ZDHHC3: variants seen among roughly 807,000 people sequenced by gnomAD.
The protein encoded by ZDHHC3 is palmitoyltransferase ZDHHC3.
A neutral mutation model predicts 30.6 loss-of-function variants in ZDHHC3; 9 were observed. That is an observed-to-expected ratio of 0.29 (90% CI 0.18 to 0.51). The LOEUF (loss-of-function observed/expected upper bound fraction) is 0.51. ZDHHC3 is among the 20% of genes least tolerant of loss of function. The probability of loss-of-function intolerance (pLI) is 0.97; values close to 1 mark genes in which losing one functional copy is unlikely to be tolerated. For missense variants in ZDHHC3, 246 were observed against 384.2 expected, an observed-to-expected ratio of 0.64 and a Z score of 3.01; for synonymous variants, 136 against 140.2, an observed-to-expected ratio of 0.97 and a Z score of 0.21.
chr3:44,948,570 C>A (rs185543796), intron 2 of ZDHHC3, among the ~76,000 whole-genome samples: 5 of 152,302 alleles, frequency 3.3e-5, no homozygotes, highest in African/African-American at 1.2e-4. Context: ...GGTGCAGATG[C>A]AGTGAGGCTG....
intron 2 of ZDHHC3, among the ~76,000 whole-genome samples, chr3:44,947,908 C>T (rs533275688): frequency 1.3e-5 from 2 of 152,198 alleles, no homozygotes; most frequent in Admixed American, 6.5e-5. Flanking sequence ...CAACAGGGAG[C>T]CAAGGATGTG....
chr3:44,971,014 G>A lies in ZDHHC3; in HGVS notation c.-25+4919C>T, dbSNP rs563535688. Among the ~76,000 whole-genome samples, 4 of 152,250 alleles carry A rather than the reference G, an allele frequency of 2.6e-5. No individual in the cohort carries two copies. The South Asian group carries it at 8.3e-4, about 32-fold the overall frequency. On this transcript the variant is annotated intron_variant, in intron 1 of 6. Coordinates refer to ENST00000424952, the MANE Select transcript of ZDHHC3 (RefSeq NM_001135179.2). Reference sequence around the variant, plus strand: ...CCCAAATCTTTGGACTAAGATGCCCGGAAGTCTTTCTACCATAGATTGTTA... The same window carrying A: ...CCCAAATCTTTGGACTAAGATGCCCAGAAGTCTTTCTACCATAGATTGTTA...
In ZDHHC3 at chr3:44,918,603, G is replaced by C; in HGVS notation, c.*8086C>G. 1.0e-6 allele frequency: 1 copy of C among 985,438 alleles called. No individual in the cohort carries two copies. The highest frequency in any genetic ancestry group is 1.2e-6 in the Non-Finnish European group (1 of 829,932). The allele number at this position is 985,438 out of a possible 1,614,324, so 61.0% of individuals were successfully genotyped here. A position where few individuals can be genotyped will look rare whatever the true frequency, so the allele number is the denominator to read the frequency against. ...GGGGCTGCAAACACAGCAGAAGGAC[G>C]ATGGGGTTAAGGAAGGAGTGCAGGA... On this transcript the variant is annotated 3_prime_UTR_variant, in exon 7 of 7. Transcript: ENST00000424952.
chr3:44,949,922 A>C (rs1703289407), intron 2 of ZDHHC3, among the ~76,000 whole-genome samples: 1 of 151,812 alleles, frequency 6.6e-6, no homozygotes, highest in African/African-American at 2.4e-5. Flanking sequence ...TGCAGCTTTG[A>C]CCTTCCAGGC....
chr3:44,974,419 C>G (rs1351514585), intron 1 of ZDHHC3, among the ~76,000 whole-genome samples: 1 of 152,218 alleles, frequency 6.6e-6, no homozygotes, highest in Non-Finnish European at 1.5e-5. Flanking sequence ...CCTCAGATAT[C>G]CTAGCTTCTA....
chr3:44,936,068 C>G (rs1559671705), intron 3 of ZDHHC3, among the ~76,000 whole-genome samples: 1 of 152,134 alleles, frequency 6.6e-6, no homozygotes, highest in Non-Finnish European at 1.5e-5. Context: ...ACAGAGTAAA[C>G]AGACAACCTA....
chr3:44,958,814 T>C (rs1444365070), intron 2 of ZDHHC3: 2 of 866,170 alleles, frequency 2.3e-6, no homozygotes, highest in Non-Finnish European at 3.5e-6. Flanking sequence ...TCTTCAAGGT[T>C]ATCTGTGTCT....
intron 3 of ZDHHC3, among the ~76,000 whole-genome samples, chr3:44,935,436 AT>A: frequency 2.0e-5 from 3 of 152,232 alleles, no homozygotes; most frequent in Middle Eastern, 6.8e-3. Flanking sequence ...CACCCAGCTA[AT>A]TTTTTTGTAT....
In ZDHHC3 at chr3:44,923,378, A is replaced by C; in HGVS notation, c.*3311T>G. The C allele has an allele frequency of 1.0e-6, 1 of 985,382 alleles. No homozygotes were observed. Among genetic ancestry groups the C allele is most frequent in the African/African-American group, 1.7e-5 (1 of 57,356 alleles). 61.0% of individuals were successfully genotyped at this position (985,382 alleles called of 1,614,324 possible). A position where few individuals can be genotyped will look rare whatever the true frequency, so the allele number is the denominator to read the frequency against. ...GGCGTGAGGGATGTCCACAGTGAGA[A>C]GTGTCCGCGCCCGGCTTAAAATGTT... On this transcript the variant is annotated 3_prime_UTR_variant, in exon 7 of 7. Transcript: ENST00000424952.
chr3:44,927,901 C>A (rs915334789), intron 6 of ZDHHC3, among the ~76,000 whole-genome samples: 5 of 152,212 alleles, frequency 3.3e-5, no homozygotes. Context: ...AGGGCACAGG[C>A]CAAAGGGAAG....
intron 3 of ZDHHC3, among the ~76,000 whole-genome samples, chr3:44,938,138 C>G (rs1233749453): frequency 6.6e-6 from 1 of 152,136 alleles, no homozygotes; most frequent in Non-Finnish European, 1.5e-5. Flanking sequence ...CATGTGTCAC[C>G]AAGCCAGGCT....
intron 5 of ZDHHC3, among the ~76,000 whole-genome samples, chr3:44,932,222 T>C (rs1701554678): frequency 6.6e-6 from 1 of 152,146 alleles, no homozygotes; most frequent in Admixed American, 6.5e-5. Context: ...CACCTAGATA[T>C]GCAGAATGGC....
At chr3:44,962,851 T>C (rs1009369552) in intron 1 of ZDHHC3, among the ~76,000 whole-genome samples, 4 of 152,224 alleles carry the variant, frequency 2.6e-5, no homozygotes, top group African/African-American at 7.2e-5. Flanking sequence ...CTACTGCTAA[T>C]TGGCTGTGGG....
chr3:44,956,035 T>C (rs1192163602), intron 2 of ZDHHC3, among the ~76,000 whole-genome samples: 1 of 152,216 alleles, frequency 6.6e-6, no homozygotes, highest in Non-Finnish European at 1.5e-5. Flanking sequence ...CTCACTGCTT[T>C]GGGATTGGAA....
rs761248314 is a variant in ZDHHC3, at chr3:44,919,491, C to T, written c.*7198G>A. Among the ~76,000 whole-genome samples the T allele has an allele frequency of 6.6e-6, 1 of 152,186 alleles. No individual in the cohort carries two copies. The highest frequency in any genetic ancestry group is 1.5e-5 in the Non-Finnish European group (1 of 68,042). ...ACATTGTGAATGCATTAAATGTACA[C>T]TTTAAAATGGCTAATTTTGTGTTAC... On this transcript the variant is annotated 3_prime_UTR_variant, in exon 7 of 7. Transcript: ENST00000424952.
Position 44,918,194 on chromosome 3 carries a change from C to T in ZDHHC3, c.*8495G>A. 1.6e-6 allele frequency: 2 copies of T among 1,271,132 alleles called. No individual in the cohort carries two copies. The allele number at this position is 1,271,132 out of a possible 1,614,324, so 78.7% of individuals were successfully genotyped here. A position where few individuals can be genotyped will look rare whatever the true frequency, so the allele number is the denominator to read the frequency against. On this transcript the variant is annotated 3_prime_UTR_variant, in exon 7 of 7. Transcript: ENST00000424952. ...ATCGTCAGCGTGGTGCTGGGCTGTACAGCTCACATAGACACCCCCAGCTAT... is the reference window on the plus strand; with the variant it reads ...ATCGTCAGCGTGGTGCTGGGCTGTATAGCTCACATAGACACCCCCAGCTAT...
Position 44,924,341 on chromosome 3 carries a change from C to T in ZDHHC3, c.*2348G>A. 1.0e-6 allele frequency: 1 copy of T among 985,346 alleles called. No homozygotes were observed. The highest frequency in any genetic ancestry group is 1.2e-6 in the Non-Finnish European group (1 of 829,876). The allele number at this position is 985,346 out of a possible 1,614,324, so 61.0% of individuals were successfully genotyped here. ...AGTCATTGTGCTCTTGGCAAAATATCAGTCTGAACAAAAATGAAATAGGAA... is the reference window on the plus strand; with the variant it reads ...AGTCATTGTGCTCTTGGCAAAATATTAGTCTGAACAAAAATGAAATAGGAA... On this transcript the variant is annotated 3_prime_UTR_variant, in exon 7 of 7. Coordinates refer to ENST00000424952, the MANE Select transcript of ZDHHC3 (RefSeq NM_001135179.2).
rs957469601 is a variant in ZDHHC3 at position 44,959,455 on chromosome 3, T to G, written c.-19A>C. ...GCATCATAAGCTATTCTGTCCATAC[T>G]GGCATCTGAAAGAGAGAGGAAAGAA... On this transcript the variant is annotated 5_prime_UTR_variant, in exon 2 of 7. Transcript: ENST00000424952. The surrounding 1 kb of genome is among the most constrained non-coding windows in gnomAD (Gnocchi z 4.3). 5.6e-6 allele frequency: 9 copies of G among 1,601,210 alleles called. No individual in the cohort carries two copies. Among genetic ancestry groups the G allele is most frequent in the Non-Finnish European group, 7.7e-6 (9 of 1,170,576 alleles).
At position 44,917,973 on chromosome 3, in the gene ZDHHC3, C is replaced by A. The variant is rs371904572; in HGVS notation, c.*8716G>T. The A allele has an allele frequency of 7.7e-7, 1 of 1,305,292 alleles. No homozygotes were observed. Among genetic ancestry groups the A allele is most frequent in the Admixed American group, 2.3e-5 (1 of 43,558 alleles). The allele number at this position is 1,305,292 out of a possible 1,614,324, so 80.9% of individuals were successfully genotyped here. ...CCTCCATTGTTTCGGTGTCTGACAG[C>A]GATGTCACCTGCCGCACCATGTCTT... On this transcript the variant is annotated 3_prime_UTR_variant, in exon 7 of 7. Transcript: ENST00000424952.
Sources: allele counts gnomAD v4.1 joint callset (sites outside exome capture counted in the v4.1 genomes callset), GRCh38; gene constraint gnomAD v4.1.1; non-coding constraint Gnocchi (gnomAD v3.1); transcripts MANE v1.5; gene names NCBI Gene and HGNC (gene_info 2026-07-23, HGNC 2026-07-21).